The following GPC5 variants were observed in gnomAD, a reference collection of about 807,000 sequenced individuals.
GPC5 encodes glypican-5.
A neutral mutation model predicts 53.9 loss-of-function variants in GPC5; 47 were observed. That is an observed-to-expected ratio of 0.87 (90% confidence interval 0.69 to 1.11). The LOEUF is 1.11. GPC5 is among the 50% of genes most tolerant of loss of function. The pLI, the probability that GPC5 is intolerant of heterozygous loss-of-function variation, is 0.00. For synonymous variants in GPC5, 286 were observed against 263.3 expected, an observed-to-expected ratio of 1.09 and a Z score of -0.84; for missense variants, 748 against 713.1, an observed-to-expected ratio of 1.05 and a Z score of -0.56.
intron 4 of GPC5, among the ~76,000 whole-genome samples, chr13:91,738,363 T>C (rs887749960): frequency 3.3e-5 from 5 of 151,436 alleles, no homozygotes; most frequent in African/African-American, 1.2e-4. Context: ...TTGTGTCCTA[T>C]GCACATGGTT....
At chr13:92,624,488 T>C (rs1301529292) in intron 7 of GPC5, among the ~76,000 whole-genome samples, 2 of 152,228 alleles carry the variant, frequency 1.3e-5, no homozygotes, top group African/African-American at 4.8e-5. Context: ...ATGATGCATA[T>C]ATAAAACTGT....
rs1555312117 is a variant in GPC5 at position 92,778,966 on chromosome 13, T to TATACAC, written c.1562-87315_1562-87314insTACACA. 2.0e-5 allele frequency among the ~76,000 whole-genome samples: 3 copies of TATACAC among 149,412 alleles called. No homozygotes were observed. The East Asian group carries it at 6.1e-4, about 30-fold the overall frequency. On this transcript the variant is annotated intron_variant, in intron 7 of 7. Coordinates refer to ENST00000377067, the MANE Select transcript of GPC5 (RefSeq NM_004466.6). ...CTTGTGTATGAATATGTGCAAGATA[T>TATACAC]ACACACACACACACACACACACATA...
intron 7 of GPC5, among the ~76,000 whole-genome samples, chr13:92,714,566 C>G (rs75451666): frequency 0.017 from 2,547 of 152,220 alleles, 77 homozygotes; most frequent in African/African-American, 0.059. Context: ...CCATTTCAAT[C>G]GTATGCCAAC....
At chr13:91,650,750 G>GTTTTGTTT (rs1555333961) in intron 2 of GPC5, among the ~76,000 whole-genome samples, 4 of 99,602 alleles carry the variant, frequency 4.0e-5, no homozygotes, top group African/African-American at 1.6e-4. Flanking sequence ...ATTCCCATAA[G>GTTTTGTTT]TTTTTTTTTT....
At chr13:92,337,950 C>A (rs1262728731) in intron 7 of GPC5, among the ~76,000 whole-genome samples, 1 of 152,150 alleles carries the variant, frequency 6.6e-6, no homozygotes, top group East Asian at 1.9e-4. Context: ...AAAGCAATAA[C>A]TGGTAAGCTG....
At chr13:92,696,663 T>C (rs1032263996) in intron 7 of GPC5, among the ~76,000 whole-genome samples, 3 of 152,234 alleles carry the variant, frequency 2.0e-5, no homozygotes, top group African/African-American at 7.2e-5. Flanking sequence ...TTCATTCTGA[T>C]GAAAGTTTCT....
chr13:91,505,388 T>C (rs1373308180), intron 2 of GPC5, among the ~76,000 whole-genome samples: 2 of 152,216 alleles, frequency 1.3e-5, no homozygotes, highest in Admixed American at 6.5e-5. Context: ...TTAAATGTAA[T>C]AGATGTAAAC....
chr13:92,322,797 A>G (rs907323490), intron 7 of GPC5, among the ~76,000 whole-genome samples: 3 of 152,104 alleles, frequency 2.0e-5, no homozygotes, highest in Non-Finnish European at 4.4e-5. Flanking sequence ...CCCTCTAATG[A>G]GTTTTGCCAC....
chr13:92,478,044 C>T (rs1879218525), intron 7 of GPC5, among the ~76,000 whole-genome samples: 1 of 152,090 alleles, frequency 6.6e-6, no homozygotes, highest in South Asian at 2.1e-4. Context: ...AATTTATCTC[C>T]TTATTGCCCT....
intron 7 of GPC5, among the ~76,000 whole-genome samples, chr13:92,811,489 G>C (rs552260918): frequency 6.6e-6 from 1 of 151,554 alleles, no homozygotes; most frequent in South Asian, 2.1e-4. Flanking sequence ...ATACTGAGTC[G>C]TAGCTATTCT....
intron 2 of GPC5, among the ~76,000 whole-genome samples, chr13:91,598,687 T>C (rs1202665352): frequency 3.9e-5 from 6 of 152,110 alleles, no homozygotes; most frequent in Non-Finnish European, 8.8e-5. Flanking sequence ...TATATTTTTC[T>C]AAATGTCATA....
At chr13:92,768,718 T>C (rs1875503793) in intron 7 of GPC5, among the ~76,000 whole-genome samples, 2 of 151,796 alleles carry the variant, frequency 1.3e-5, no homozygotes, top group African/African-American at 4.8e-5. Flanking sequence ...TTTGACTCTC[T>C]TCCCCCTGTC....
At chr13:92,322,541 A>G (rs1263974800) in intron 7 of GPC5, among the ~76,000 whole-genome samples, 1 of 152,204 alleles carries the variant, frequency 6.6e-6, no homozygotes, top group Non-Finnish European at 1.5e-5. Context: ...GTTATTGCTT[A>G]ATGCAGTCTC....
chr13:92,385,514 A>G (rs1279883569), intron 7 of GPC5, among the ~76,000 whole-genome samples: 7 of 136,198 alleles, frequency 5.1e-5, no homozygotes, highest in African/African-American at 1.7e-4. Context: ...ATACATATAT[A>G]CATACATATG....
At chr13:92,753,053 A>T (rs1023004840) in intron 7 of GPC5, among the ~76,000 whole-genome samples, 19 of 152,292 alleles carry the variant, frequency 1.2e-4, no homozygotes, top group Non-Finnish European at 2.5e-4. Context: ...AGACAAACAA[A>T]AAGACAGCAG....
At chr13:91,663,033 C>G (rs2035021837) in intron 2 of GPC5, among the ~76,000 whole-genome samples, 1 of 152,204 alleles carries the variant, frequency 6.6e-6, no homozygotes, top group African/African-American at 2.4e-5. Context: ...ACTGTTGCCT[C>G]ACTTACAATG....
chr13:92,811,878 G>T (rs1877312701), intron 7 of GPC5, among the ~76,000 whole-genome samples: 2 of 151,802 alleles, frequency 1.3e-5, no homozygotes, highest in South Asian at 4.1e-4. Flanking sequence ...TCCTTTGAAT[G>T]GACTAAGCAT....
intron 7 of GPC5, among the ~76,000 whole-genome samples, chr13:92,292,599 GT>G (rs1054930990): frequency 6.6e-6 from 1 of 151,878 alleles, no homozygotes; most frequent in African/African-American, 2.4e-5. Flanking sequence ...GATTGTGAAG[GT>G]TTTTTTCCCA....
intron 6 of GPC5, among the ~76,000 whole-genome samples, chr13:91,991,344 TA>T (rs2040454735): frequency 6.6e-6 from 1 of 152,230 alleles, no homozygotes; most frequent in South Asian, 2.1e-4. Context: ...GTCAGAGACA[TA>T]ATCTGTTTTA....
Sources: gnomAD v4.1 joint callset for allele counts (sites outside exome capture counted in the v4.1 genomes callset) on GRCh38, gnomAD v4.1.1 for gene constraint, MANE v1.5 for transcripts, NCBI Gene and HGNC (gene_info 2026-07-23, HGNC 2026-07-21) for gene names.